Variants in PIK3R5 observed in about 807,000 individuals in gnomAD.
PIK3R5 encodes the protein phosphoinositide 3-kinase regulatory subunit 5.
PIK3R5 carries 32 observed loss-of-function variants against 94.9 expected under a neutral mutation model. The ratio of observed to expected loss-of-function variants is 0.34; its 90% CI spans 0.25 to 0.45. The LOEUF (loss-of-function observed/expected upper bound fraction) is 0.45, where lower values mean the gene tolerates loss of function less well. Ranked by LOEUF, PIK3R5 falls within the 20% of genes least tolerant of loss-of-function variation. The pLI, the probability that PIK3R5 is intolerant of heterozygous loss-of-function variation, is 1.00. For missense variants in PIK3R5, 853 were observed against 1,144.6 expected (o/e 0.75, Z 3.68); for synonymous variants, 443 against 479.4 (o/e 0.92, Z 0.99).
intron 5 of PIK3R5, among the ~76,000 whole-genome samples, chr17:8,900,635 C>G (rs987665250): frequency 7.2e-5 from 11 of 152,168 alleles, no homozygotes; most frequent in Non-Finnish European, 7.3e-5. Flanking sequence ...CCAAGAGTCC[C>G]CCCTGCTCTG....
chr17:8,881,859 C>A lies in PIK3R5; in HGVS notation c.2228G>T (p.Arg743Leu), dbSNP rs753712971. The A allele has an allele frequency of 3.1e-6, 5 of 1,613,902 alleles. No individual in the cohort carries two copies. The highest frequency in any genetic ancestry group is 1.3e-5 in the African/African-American group (1 of 74,928). The change falls in exon 16 of 19, where the codon CGC becomes CTC. Residue 743 changes from arginine to leucine, a missense_variant. Physicochemically the swap from Arg to Leu is moderately radical, Grantham distance 102 (BLOSUM62 -2). Coordinates refer to ENST00000447110, the MANE Select transcript of PIK3R5 (RefSeq NM_001142633.3). This position sits in a 1 kb window ranked among gnomAD's most constrained non-coding sequence, Gnocchi z 4.8. ...ACAGACCTTCTCCAGGTTGCTCCAG[C>A]GACTTCGTCCACTGATGGCCCCCTG... is the stretch of plus-strand genomic sequence containing the variant. ...YSKGAISGRS[R>L]WSNLEKVCTS...
chr17:8,952,509 C>T (rs1336506283), intron 1 of PIK3R5, among the ~76,000 whole-genome samples: 1 of 152,188 alleles, frequency 6.6e-6, no homozygotes, highest in Non-Finnish European at 1.5e-5. Flanking sequence ...GAGTCCCCAC[C>T]TCTGTGTGTC....
intron 1 of PIK3R5, among the ~76,000 whole-genome samples, chr17:8,962,205 T>TG (rs1175586974): frequency 6.6e-6 from 1 of 152,098 alleles, no homozygotes; most frequent in Non-Finnish European, 1.5e-5. Context: ...CCTCAGAGTG[T>TG]GACTGTGAAG....
Position 8,911,390 on chromosome 17 carries a change from AC to A in PIK3R5, c.103+1del. 6.3e-7 allele frequency: 1 copy of A among 1,599,236 alleles called. No individual in the cohort carries two copies. The highest frequency in any genetic ancestry group is 8.5e-7 in the Non-Finnish European group (1 of 1,179,402). On this transcript the variant is annotated splice_donor_variant, in intron 2 of 18. Coordinates refer to ENST00000447110, the MANE Select transcript of PIK3R5 (RefSeq NM_001142633.3). LOFTEE classifies it high-confidence loss of function. This position sits in a 1 kb window ranked among gnomAD's most constrained non-coding sequence, Gnocchi z 5.3. The stretch of plus-strand genomic sequence containing the variant: ...ACACCTCCCCGGCTCCCTTGGACCG[AC>A]CTGACCAGGAGGTGGAGCGGCGGCT...
chr17:8,951,326 C>A (rs2091371764), intron 1 of PIK3R5, among the ~76,000 whole-genome samples: 1 of 152,162 alleles, frequency 6.6e-6, no homozygotes, highest in African/African-American at 2.4e-5. Flanking sequence ...CAATGTTGTG[C>A]AACCATCCCC....
chr17:8,886,467 G>C lies in PIK3R5; in HGVS notation c.2034+10C>G, dbSNP rs745760513. The C allele has an allele frequency of 1.3e-6, 2 of 1,599,306 alleles. No individual in the cohort carries two copies. The highest frequency in any genetic ancestry group is 1.7e-5 in the Admixed American group (1 of 58,968). ...TGGGGAAGAGGCGGTTCGGGGCAGG[G>C]AGGCCTTACCTCGGTCTGATAGACT... is the stretch of plus-strand genomic sequence containing the variant. On this transcript the variant is annotated intron_variant, in intron 13 of 18. Transcript: ENST00000447110.
In PIK3R5 at chr17:8,911,518, GA is replaced by G. The variant is rs761816437; in HGVS notation, c.-13-12del. On this transcript the variant is annotated splice_polypyrimidine_tract_variant and intron_variant, in intron 1 of 18. Coordinates refer to ENST00000447110, the MANE Select transcript of PIK3R5 (RefSeq NM_001142633.3). This position sits in a 1 kb window ranked among gnomAD's most constrained non-coding sequence, Gnocchi z 5.3. ...ATCCTGGGTCATCGCCTGCATGGGGGACAGACGCCGGTCAGCTTGTCGAGCT... is the reference window on the plus strand; with the variant it reads ...ATCCTGGGTCATCGCCTGCATGGGGGCAGACGCCGGTCAGCTTGTCGAGCT... 1.3e-6 allele frequency: 2 copies of G among 1,547,758 alleles called. No individual in the cohort carries two copies. The highest frequency in any genetic ancestry group is 2.2e-5 in the South Asian group (2 of 89,582).
chr17:8,903,033 T>C (rs1043568168), intron 5 of PIK3R5, among the ~76,000 whole-genome samples: 3 of 151,992 alleles, frequency 2.0e-5, no homozygotes, highest in Non-Finnish European at 4.4e-5. Flanking sequence ...TTAGTAGAGA[T>C]GGGGTTTCAC....
At chr17:8,886,682 G>C in intron 12 of PIK3R5, 77 bp from the exon 13 acceptor site, 2 of 1,446,304 alleles carry the variant, frequency 1.4e-6, no homozygotes, top group Non-Finnish European at 1.9e-6. Context: ...AATTAGGGAG[G>C]AAGAGAGAAG....
At chr17:8,941,296 T>C (rs529960714) in intron 1 of PIK3R5, among the ~76,000 whole-genome samples, 3 of 152,034 alleles carry the variant, frequency 2.0e-5, no homozygotes, top group Non-Finnish European at 4.4e-5. Context: ...CACATTTCCA[T>C]GGTTCTCTGG....
At chr17:8,937,523 A>G (rs1327446022) in intron 1 of PIK3R5, among the ~76,000 whole-genome samples, 1 of 152,162 alleles carries the variant, frequency 6.6e-6, no homozygotes, top group Admixed American at 6.5e-5. Context: ...TGTTGATGTA[A>G]TTAACTACGT....
intron 3 of PIK3R5, among the ~76,000 whole-genome samples, chr17:8,907,691 G>T (rs938122476): frequency 1.3e-5 from 2 of 151,396 alleles, no homozygotes; most frequent in African/African-American, 4.9e-5. Flanking sequence ...ACAGGCTGGA[G>T]TGCAGTGGCA....
Position 8,945,814 on chromosome 17 carries a change from T to G in PIK3R5, c.-14+19782A>C, listed in dbSNP as rs777917201. 3.9e-5 allele frequency among the ~76,000 whole-genome samples: 6 copies of G among 152,204 alleles called. No homozygotes were observed. The highest frequency in any genetic ancestry group is 6.5e-5 in the Admixed American group (1 of 15,280). On this transcript the variant is annotated intron_variant, in intron 1 of 18. Coordinates refer to ENST00000447110, the MANE Select transcript of PIK3R5 (RefSeq NM_001142633.3). This position sits in a 1 kb window ranked among gnomAD's most constrained non-coding sequence, Gnocchi z 4.0. ...TCAAAACAGATTATAGCGGAAGTGA[T>G]GCTGTGTGGCTTCCAAGGCTAGGTC...
At chr17:8,930,074 A>T (rs9906539) in intron 1 of PIK3R5, among the ~76,000 whole-genome samples, 3,766 of 152,338 alleles carry the variant, frequency 0.025, 157 homozygotes, top group African/African-American at 0.086. Context: ...ATTCAACAAC[A>T]CTATCAGTCA....
chr17:8,893,569 C>T lies in PIK3R5; in HGVS notation c.482+17G>A. The T allele has an allele frequency of 6.2e-7, 1 of 1,607,386 alleles. No homozygotes were observed. Among genetic ancestry groups the T allele is most frequent in the Non-Finnish European group, 8.5e-7 (1 of 1,174,064 alleles). ...AACTCCCTCCCCACTGTTTCTCCGT[C>T]CCCCAAGAGCACTCACACGGTGGAG... On this transcript the variant is annotated intron_variant, in intron 6 of 18. Coordinates refer to ENST00000447110, the MANE Select transcript of PIK3R5 (RefSeq NM_001142633.3). The surrounding 1 kb of genome is among the most constrained non-coding windows in gnomAD (Gnocchi z 5.1).
intron 1 of PIK3R5, among the ~76,000 whole-genome samples, chr17:8,949,633 C>T (rs906106619): frequency 5.9e-5 from 9 of 152,108 alleles, no homozygotes; most frequent in African/African-American, 2.2e-4. Flanking sequence ...TAGGATTGGA[C>T]ACTATTATTC....
intron 14 of PIK3R5, 47 bp downstream of exon 14, chr17:8,886,182 G>T (rs764395311): frequency 6.9e-7 from 1 of 1,452,164 alleles, no homozygotes; most frequent in Non-Finnish European, 9.6e-7. Context: ...CACGTTTCGC[G>T]TCCCAGGCCC....
chr17:8,886,162 C>A, intron 14 of PIK3R5, 67 bp downstream of exon 14: 1 of 1,251,656 alleles, frequency 8.0e-7, no homozygotes, highest in Non-Finnish European at 1.2e-6. Context: ...ACCCCACCTC[C>A]ACAGAGCTCC....
chr17:8,961,614 G>A (rs1247495256), intron 1 of PIK3R5, among the ~76,000 whole-genome samples: 1 of 151,962 alleles, frequency 6.6e-6, no homozygotes, highest in African/African-American at 2.4e-5. Flanking sequence ...CGTCCCGTGT[G>A]ACAAGAGCGA....
Sources: allele counts gnomAD v4.1 joint callset (sites outside exome capture counted in the v4.1 genomes callset), GRCh38; gene constraint gnomAD v4.1.1; non-coding constraint Gnocchi (gnomAD v3.1); transcripts MANE v1.5; gene names NCBI Gene and HGNC (gene_info 2026-07-23, HGNC 2026-07-21).